Variants in EDIL3 observed in about 807,000 individuals in gnomAD.
EDIL3 encodes EGF like and discoidin domains 3, also known as EGF-like repeat and discoidin I-like domain-containing protein 3.
EDIL3 carries 37 observed loss-of-function variants against 67.4 expected under a neutral mutation model. The ratio of observed to expected loss-of-function variants is 0.55; its 90% CI spans 0.42 to 0.72. The LOEUF is 0.72. Ranked by LOEUF, EDIL3 falls within the 30% of genes least tolerant of loss-of-function variation. EDIL3 has a pLI of 0.00. For missense variants in EDIL3, 527 were observed against 586.3 expected (o/e 0.90, Z 1.04); for synonymous variants, 195 against 196.3 (o/e 0.99, Z 0.05).
At chr5:84,313,511 A>G (rs1746446666) in intron 1 of EDIL3, among the ~76,000 whole-genome samples, 1 of 152,204 alleles carries the variant, frequency 6.6e-6, no homozygotes, top group Non-Finnish European at 1.5e-5. Flanking sequence ...ACCATGTACT[A>G]GTGGTATTAA....
At chr5:84,229,480 T>G (rs998852598) in intron 3 of EDIL3, among the ~76,000 whole-genome samples, 9 of 152,182 alleles carry the variant, frequency 5.9e-5, no homozygotes, top group African/African-American at 2.2e-4. Context: ...TTCTGAAAGT[T>G]TATTTTACCA....
chr5:84,247,298 C>A (rs571666650), intron 2 of EDIL3, among the ~76,000 whole-genome samples: 1 of 152,030 alleles, frequency 6.6e-6, no homozygotes, highest in Non-Finnish European at 1.5e-5. Context: ...ATTTGGTAAC[C>A]AAAGTCTCGA....
At chr5:84,300,400 T>C (rs1475977747) in intron 1 of EDIL3, among the ~76,000 whole-genome samples, 1 of 152,192 alleles carries the variant, frequency 6.6e-6, no homozygotes, top group Non-Finnish European at 1.5e-5. Context: ...TAACGACACC[T>C]GCAAAGTGTC....
At chr5:84,249,401 AT>A (rs1744977013) in intron 2 of EDIL3, among the ~76,000 whole-genome samples, 2 of 151,324 alleles carry the variant, frequency 1.3e-5, no homozygotes, top group Admixed American at 6.6e-5. Context: ...CTATCTATCT[AT>A]CTATCTATCT....
chr5:84,240,038 T>A (rs953338267), intron 2 of EDIL3, among the ~76,000 whole-genome samples: 4 of 152,214 alleles, frequency 2.6e-5, no homozygotes, highest in Admixed American at 1.3e-4. Context: ...TTTCTTCCAA[T>A]AACTAATTTC....
At chr5:84,007,096 G>A (rs56306731) in intron 9 of EDIL3, among the ~76,000 whole-genome samples, 17,555 of 152,030 alleles carry the variant, frequency 0.12, 2,462 homozygotes, top group African/African-American at 0.34. Context: ...AGAAGAATAA[G>A]ACTAGACCAC....
At chr5:84,058,809 T>C (rs1746492794) in intron 9 of EDIL3, among the ~76,000 whole-genome samples, 2 of 152,162 alleles carry the variant, frequency 1.3e-5, no homozygotes, top group African/African-American at 4.8e-5. Context: ...CTTATCATGT[T>C]ATATGATGCT....
At chr5:84,122,109 G>A (rs1476069622) in intron 5 of EDIL3, among the ~76,000 whole-genome samples, 2 of 151,912 alleles carry the variant, frequency 1.3e-5, no homozygotes, top group Non-Finnish European at 2.9e-5. Flanking sequence ...CACCTCAAGT[G>A]CACTTCACTC....
At chr5:84,010,295 T>A (rs1057201339) in intron 9 of EDIL3, among the ~76,000 whole-genome samples, 3 of 152,200 alleles carry the variant, frequency 2.0e-5, no homozygotes, top group Admixed American at 6.6e-5. Context: ...ATTTTTACTC[T>A]ATAATTTGAG....
At chr5:84,326,950 C>T (rs1746771382) in intron 1 of EDIL3, among the ~76,000 whole-genome samples, 3 of 151,926 alleles carry the variant, frequency 2.0e-5, no homozygotes, top group African/African-American at 4.8e-5. Flanking sequence ...CCCTCCTCTA[C>T]TGCAAAAGTC....
intron 3 of EDIL3, among the ~76,000 whole-genome samples, chr5:84,218,582 G>C (rs1185369809): frequency 6.6e-6 from 1 of 152,206 alleles, no homozygotes; most frequent in Non-Finnish European, 1.5e-5. Context: ...CTCAGCCACA[G>C]TTGGGTAGAG....
intron 9 of EDIL3, among the ~76,000 whole-genome samples, chr5:83,998,404 G>A (rs1032477157): frequency 7.2e-5 from 11 of 152,168 alleles, no homozygotes; most frequent in African/African-American, 2.7e-4. Flanking sequence ...GCTGACTAAA[G>A]AACCCTTAGG....
intron 9 of EDIL3, among the ~76,000 whole-genome samples, chr5:84,011,471 C>T (rs1349138416): frequency 2.0e-5 from 3 of 152,168 alleles, no homozygotes; most frequent in African/African-American, 4.8e-5. Flanking sequence ...ACTGATCTTG[C>T]CGTTTCTACT....
At chr5:84,044,889 G>C (rs1462358551) in intron 9 of EDIL3, among the ~76,000 whole-genome samples, 1 of 152,180 alleles carries the variant, frequency 6.6e-6, no homozygotes, top group Non-Finnish European at 1.5e-5. Flanking sequence ...CCTTCAGGGG[G>C]CAGGCCAGAG....
intron 9 of EDIL3, among the ~76,000 whole-genome samples, chr5:84,016,249 C>T (rs1282319244): frequency 1.3e-5 from 2 of 152,036 alleles, no homozygotes; most frequent in Non-Finnish European, 2.9e-5. Flanking sequence ...CTCTGAATGC[C>T]GTGTGATGTG....
chr5:84,164,491 T>A (rs1319303329), intron 4 of EDIL3, among the ~76,000 whole-genome samples: 1 of 152,078 alleles, frequency 6.6e-6, no homozygotes. Context: ...GAAATATCCG[T>A]ATGTAAAATA....
At chr5:84,281,855 C>CTTTTTTTTTTTTTTTTTT (rs10708663) in intron 1 of EDIL3, among the ~76,000 whole-genome samples, 1 of 72,574 alleles carries the variant, frequency 1.4e-5, no homozygotes, top group Non-Finnish European at 2.4e-5. Context: ...TTTTATTTCA[C>CTTTTTTTTTTTTTTTTTT]TTTTTTTTTT....
intron 5 of EDIL3, among the ~76,000 whole-genome samples, chr5:84,110,663 T>C (rs2112287453): frequency 6.6e-6 from 1 of 152,174 alleles, no homozygotes; most frequent in African/African-American, 2.4e-5. Flanking sequence ...ATTAGAAAAA[T>C]TGTGAGGATG....
At chr5:84,214,276 C>A (rs577609865) in intron 3 of EDIL3, among the ~76,000 whole-genome samples, 25 of 152,166 alleles carry the variant, frequency 1.6e-4, no homozygotes, top group East Asian at 1.5e-3. Flanking sequence ...TTAAATAATA[C>A]AACTGTCCCT....
Sources: gnomAD v4.1 joint callset for allele counts (sites outside exome capture counted in the v4.1 genomes callset) on GRCh38, gnomAD v4.1.1 for gene constraint, MANE v1.5 for transcripts, NCBI Gene and HGNC (gene_info 2026-07-23, HGNC 2026-07-21) for gene names.